Variants in TAF12 observed in about 807,000 individuals in gnomAD.
The protein encoded by TAF12 is TATA-box binding protein associated factor 12.
TAF12 carries 3 observed loss-of-function variants against 20.8 expected under a neutral mutation model. The ratio of observed to expected loss-of-function variants is 0.14; its 90% CI spans 0.07 to 0.37. The LOEUF (loss-of-function observed/expected upper bound fraction) is 0.37. TAF12 is among the 10% of genes least tolerant of loss of function. The pLI, the probability that TAF12 is intolerant of heterozygous loss-of-function variation, is 1.00. For missense variants in TAF12, 131 were observed against 197.9 expected (o/e 0.66, Z 2.03); for synonymous variants, 69 against 70.2 (o/e 0.98, Z 0.09).
At chr1:28,620,170 A>G (rs919809158) in intron 2 of TAF12, among the ~76,000 whole-genome samples, 12 of 150,636 alleles carry the variant, frequency 8.0e-5, no homozygotes, top group Middle Eastern at 3.4e-3. Flanking sequence ...ATCTCGTTCT[A>G]TCACCCAGGC....
chr1:28,637,588 C>A (rs930364834), intron 1 of TAF12, among the ~76,000 whole-genome samples: 1 of 151,810 alleles, frequency 6.6e-6, no homozygotes, highest in Non-Finnish European at 1.5e-5. Context: ...GTGCTTGAAC[C>A]CGTGAGGCGG....
chr1:28,609,440 C>G (rs1374513283), intron 4 of TAF12, among the ~76,000 whole-genome samples: 1 of 151,824 alleles, frequency 6.6e-6, no homozygotes, highest in Non-Finnish European at 1.5e-5. Context: ...AATGCATGGT[C>G]AAAGCAACAT....
chr1:28,635,468 G>T (rs1478888361), intron 1 of TAF12, among the ~76,000 whole-genome samples: 1 of 150,838 alleles, frequency 6.6e-6, no homozygotes, highest in Non-Finnish European at 1.5e-5. Flanking sequence ...ACCACACCCG[G>T]CTAATTTTTT....
At chr1:28,617,806 T>C in intron 3 of TAF12, 147 bp downstream of exon 3, 1 of 786,540 alleles carries the variant, frequency 1.3e-6, no homozygotes, top group Non-Finnish European at 2.2e-6. Flanking sequence ...TGGCCTAGGC[T>C]GGTCTTGAAC....
chr1:28,621,679 A>G (rs1222751264), intron 2 of TAF12, among the ~76,000 whole-genome samples: 1 of 152,210 alleles, frequency 6.6e-6, no homozygotes, highest in Non-Finnish European at 1.5e-5. Flanking sequence ...AGAGGAGTAT[A>G]CATTCAGGAC....
chr1:28,612,578 A>G (rs1666903111), intron 4 of TAF12, among the ~76,000 whole-genome samples: 2 of 148,186 alleles, frequency 1.3e-5, no homozygotes, highest in Admixed American at 1.4e-4. Flanking sequence ...ATATATATAC[A>G]TATATATAAC....
At chr1:28,636,254 T>C (rs991156117) in intron 1 of TAF12, among the ~76,000 whole-genome samples, 1 of 152,202 alleles carries the variant, frequency 6.6e-6, no homozygotes, top group African/African-American at 2.4e-5. Context: ...TCCCAGAACT[T>C]TGGGAGGACA....
upstream of TAF12, among the ~76,000 whole-genome samples, chr1:28,646,844 A>G (rs1570351631): frequency 6.6e-6 from 1 of 151,660 alleles, no homozygotes; most frequent in Admixed American, 6.6e-5. Context: ...GACTACAGGC[A>G]CCCGCCACCA....
intron 4 of TAF12, among the ~76,000 whole-genome samples, chr1:28,609,914 C>T (rs1423372872): frequency 6.6e-6 from 1 of 152,156 alleles, no homozygotes; most frequent in African/African-American, 2.4e-5. Flanking sequence ...TTCCCCTTAG[C>T]CCCTGGTAAT....
At chr1:28,621,637 T>C (rs113890094) in intron 2 of TAF12, among the ~76,000 whole-genome samples, 97 of 152,234 alleles carry the variant, frequency 6.4e-4, no homozygotes, top group African/African-American at 2.2e-3. Context: ...TTAATAAACA[T>C]TGTACATGAT....
chr1:28,617,873 T>C, intron 3 of TAF12, 80 bp downstream of exon 3: 2 of 1,359,686 alleles, frequency 1.5e-6, no homozygotes, highest in Non-Finnish European at 2.1e-6. Context: ...AGCCACTGCA[T>C]CTGGCCTGTT....
upstream of TAF12, chr1:28,643,369 C>CAT (rs1325847145): frequency 2.6e-5 from 4 of 154,060 alleles, no homozygotes; most frequent in African/African-American, 9.6e-5. Flanking sequence ...TTGACGCCCT[C>CAT]GGATGGCTTT....
intron 1 of TAF12, among the ~76,000 whole-genome samples, chr1:28,640,238 TA>T (rs1242686195): frequency 6.6e-6 from 1 of 152,252 alleles, no homozygotes; most frequent in African/African-American, 2.4e-5. Flanking sequence ...CTATCTTGAA[TA>T]ATCTATGCTT....
At chr1:28,642,777 G>A in intron 1 of TAF12, 75 of 984,952 alleles carry the variant, frequency 7.6e-5, no homozygotes, top group Non-Finnish European at 9.0e-5. Context: ...ACTCGCATCC[G>A]TCCCCGTTCC....
chr1:28,637,289 G>C (rs184366466), intron 1 of TAF12, among the ~76,000 whole-genome samples: 2 of 151,778 alleles, frequency 1.3e-5, no homozygotes, highest in South Asian at 2.1e-4. Flanking sequence ...ACCCAGGCTC[G>C]AGCGCAGTGG....
chr1:28,614,193 G>A (rs1027107671), intron 3 of TAF12, among the ~76,000 whole-genome samples: 4 of 151,984 alleles, frequency 2.6e-5, no homozygotes, highest in African/African-American at 4.8e-5. Flanking sequence ...AGCTAAGATC[G>A]TGACACTGTA....
At chr1:28,647,380 C>T (rs570283551), upstream of TAF12, among the ~76,000 whole-genome samples, 7 of 152,144 alleles carry the variant, frequency 4.6e-5, no homozygotes, top group Non-Finnish European at 8.8e-5. Context: ...CTTGACTTCC[C>T]TGGCTCAAGC....
At chr1:28,615,758 C>T (rs1387744240) in intron 3 of TAF12, among the ~76,000 whole-genome samples, 8 of 146,230 alleles carry the variant, frequency 5.5e-5, no homozygotes, top group Admixed American at 2.7e-4. Flanking sequence ...GAATTTTCTC[C>T]GGAGATATTG....
At chr1:28,628,975 G>A (rs1461261155) in intron 1 of TAF12, among the ~76,000 whole-genome samples, 2 of 152,224 alleles carry the variant, frequency 1.3e-5, no homozygotes, top group African/African-American at 4.8e-5. Context: ...GGGAGGCTGA[G>A]GCAGGAGAAT....
Sources: allele counts gnomAD v4.1 joint callset (sites outside exome capture counted in the v4.1 genomes callset), GRCh38; gene constraint gnomAD v4.1.1; transcripts MANE v1.5; gene names NCBI Gene and HGNC (gene_info 2026-07-23, HGNC 2026-07-21).